Variants in DHRS7B observed in about 807,000 individuals in gnomAD.
DHRS7B encodes peroxisomal reductase activating PPAR-gamma.
Under a neutral mutation model 26.4 loss-of-function variants are expected in DHRS7B, and 24 were observed. That is an observed-to-expected ratio of 0.91 (90% confidence interval 0.66 to 1.28). DHRS7B has a LOEUF of 1.28. Ranked by LOEUF, DHRS7B falls within the 50% of genes most tolerant of loss-of-function variation. The pLI is 0.00. For missense variants in DHRS7B, 368 were observed against 419.4 expected (o/e 0.88, Z 1.07); for synonymous variants, 142 against 166.4 (o/e 0.85, Z 1.13).
rs1276244489 is a variant in DHRS7B, at chr17:21,188,337, A to T, written c.620-374A>T. Among the ~76,000 whole-genome samples the T allele has an allele frequency of 2.0e-5, 3 of 152,010 alleles. 1 individual carries two copies. The highest frequency in any genetic ancestry group is 4.1e-4 in the South Asian group (2 of 4,820). On this transcript the variant is annotated intron_variant, in intron 5 of 6. Transcript: ENST00000395511. ...AAACTATATGTGTATATAATTTATAATTTTTTTCCTGAACCATTTGAAAGG... is the reference window on the plus strand; with the variant it reads ...AAACTATATGTGTATATAATTTATATTTTTTTTCCTGAACCATTTGAAAGG...
chr17:21,171,069 T>C (rs915175983), intron 1 of DHRS7B, among the ~76,000 whole-genome samples: 21 of 152,258 alleles, frequency 1.4e-4, no homozygotes, highest in Non-Finnish European at 1.6e-4. Flanking sequence ...TTTTGTCTCA[T>C]AGACTCTGGC....
At chr17:21,135,667 G>T (rs557322872) in intron 1 of DHRS7B, among the ~76,000 whole-genome samples, 1 of 152,042 alleles carries the variant, frequency 6.6e-6, no homozygotes, top group African/African-American at 2.4e-5. Flanking sequence ...AATCTTGACC[G>T]TAAGATATAG....
At chr17:21,183,128 A>C (rs773290135) in intron 3 of DHRS7B, among the ~76,000 whole-genome samples, 13 of 152,160 alleles carry the variant, frequency 8.5e-5, no homozygotes, top group Non-Finnish European at 1.8e-4. Context: ...TGTGTTTTTC[A>C]AGGAATGTAT....
intron 1 of DHRS7B, among the ~76,000 whole-genome samples, chr17:21,157,666 T>C (rs1330227428): frequency 1.3e-5 from 2 of 152,122 alleles, no homozygotes; most frequent in East Asian, 3.9e-4. Flanking sequence ...TGCACTCCAG[T>C]GTGGGCAAGA....
At chr17:21,177,762 C>G (rs986936157) in intron 2 of DHRS7B, among the ~76,000 whole-genome samples, 1 of 152,226 alleles carries the variant, frequency 6.6e-6, no homozygotes, top group Non-Finnish European at 1.5e-5. Context: ...GGGCCTCGGT[C>G]CCCTGCCCCA....
chr17:21,144,333 C>A (rs1181236719), intron 1 of DHRS7B, among the ~76,000 whole-genome samples: 1 of 152,068 alleles, frequency 6.6e-6, no homozygotes, highest in Non-Finnish European at 1.5e-5. Flanking sequence ...GATAAGTTCC[C>A]AAATCAAACA....
intron 6 of DHRS7B, among the ~76,000 whole-genome samples, chr17:21,189,096 C>A (rs770647008): frequency 6.6e-6 from 1 of 152,314 alleles, no homozygotes; most frequent in South Asian, 2.1e-4. Flanking sequence ...CAGAACAGGA[C>A]CTCTGTGGGC....
chr17:21,130,119 T>C (rs1973196444), intron 1 of DHRS7B, among the ~76,000 whole-genome samples: 1 of 152,208 alleles, frequency 6.6e-6, no homozygotes, highest in South Asian at 2.1e-4. Flanking sequence ...GGGGTTTGGC[T>C]GAGCACGGTG....
At chr17:21,188,082 C>A (rs961199304) in intron 5 of DHRS7B, among the ~76,000 whole-genome samples, 1 of 152,020 alleles carries the variant, frequency 6.6e-6, no homozygotes, top group Non-Finnish European at 1.5e-5. Flanking sequence ...GATCTCCTGA[C>A]CTCGTGATCC....
intron 1 of DHRS7B, among the ~76,000 whole-genome samples, chr17:21,165,368 G>C (rs1012514922): frequency 6.6e-6 from 1 of 151,738 alleles, no homozygotes; most frequent in South Asian, 2.1e-4. Context: ...TTGGGACAGG[G>C]TCTCACTCTG....
intron 1 of DHRS7B, among the ~76,000 whole-genome samples, chr17:21,144,654 C>T (rs1019980301): frequency 6.6e-6 from 1 of 151,894 alleles, no homozygotes; most frequent in Non-Finnish European, 1.5e-5. Context: ...GCTGTCTCTA[C>T]TAAAAATACA....
intron 1 of DHRS7B, among the ~76,000 whole-genome samples, chr17:21,136,250 C>T (rs550751861): frequency 9.3e-5 from 14 of 150,700 alleles, no homozygotes; most frequent in African/African-American, 4.9e-5. Context: ...TGCAGTGAGC[C>T]GAGATCACAC....
chr17:21,190,763 G>T (rs998485520), intron 6 of DHRS7B, among the ~76,000 whole-genome samples, 185 bp from the exon 7 acceptor site: 2 of 152,202 alleles, frequency 1.3e-5, no homozygotes, highest in African/African-American at 2.4e-5. Flanking sequence ...GCTGCAAAAT[G>T]GTTCCCTCTT....
chr17:21,136,929 C>A (rs1973356161), intron 1 of DHRS7B, among the ~76,000 whole-genome samples: 1 of 151,668 alleles, frequency 6.6e-6, no homozygotes, highest in South Asian at 2.1e-4. Flanking sequence ...GCAACTTGGT[C>A]ATATTAAAGT....
chr17:21,141,557 A>G (rs548640819), intron 1 of DHRS7B, among the ~76,000 whole-genome samples: 2 of 139,030 alleles, frequency 1.4e-5, no homozygotes, highest in South Asian at 4.9e-4. Context: ...GACAAACCCC[A>G]GTTCAGTTAC....
At chr17:21,130,161 G>A (rs1360860702) in intron 1 of DHRS7B, among the ~76,000 whole-genome samples, 1 of 152,246 alleles carries the variant, frequency 6.6e-6, no homozygotes, top group African/African-American at 2.4e-5. Context: ...ACTTTGGGAG[G>A]CTGAGGAGGG....
chr17:21,166,165 A>G, intron 1 of DHRS7B: 1 of 985,450 alleles, frequency 1.0e-6, no homozygotes, highest in South Asian at 4.7e-5. Context: ...TGTGCTTGGC[A>G]TCTTACTGGA....
rs1230892498 is a variant in DHRS7B, at chr17:21,191,088, C to G, written c.913C>G (p.Pro305Ala). 1 of 1,614,178 alleles carries G rather than the reference C, an allele frequency of 6.2e-7. No homozygotes were observed. Among genetic ancestry groups the G allele is most frequent in the African/African-American group, 1.3e-5 (1 of 75,064 alleles). ...SLAVYLRTLA[P>A]GLFFSLMASR... ...GGCTGTTTATCTTCGAACTCTGGCTCCTGGGCTCTTCTTCAGCCTCATGGC... is the reference window on the plus strand; with the variant it reads ...GGCTGTTTATCTTCGAACTCTGGCTGCTGGGCTCTTCTTCAGCCTCATGGC... Residue 305 changes from proline to alanine, a missense_variant, in exon 7 of 7, where the codon CCT becomes GCT. Transcript: ENST00000395511.
intron 1 of DHRS7B, among the ~76,000 whole-genome samples, chr17:21,148,300 TTCAGAAATTTA>T (rs1188827373): frequency 8.6e-5 from 13 of 151,914 alleles, no homozygotes; most frequent in African/African-American, 2.9e-4. Context: ...ACAAAAAAAA[TTCAGAAATTTA>T]TCAGAGAAAC....
Sources: allele counts gnomAD v4.1 joint callset (sites outside exome capture counted in the v4.1 genomes callset), GRCh38; gene constraint gnomAD v4.1.1; transcripts MANE v1.5; gene names NCBI Gene and HGNC (gene_info 2026-07-23, HGNC 2026-07-21).